RALGPS1: variants seen among roughly 807,000 people sequenced by gnomAD.
RALGPS1 encodes Ral GEF with PH domain and SH3 binding motif 1, also known as ras-specific guanine nucleotide-releasing factor RalGPS1.
Under a neutral mutation model 78.8 loss-of-function variants are expected in RALGPS1, and 19 were observed. The ratio of observed to expected loss-of-function variants is 0.24; its 90% CI spans 0.17 to 0.35. RALGPS1 has a LOEUF of 0.35. Among genes scored for constraint, RALGPS1 ranks in the 10% least tolerant of loss-of-function variants. The pLI, the probability that RALGPS1 is intolerant of heterozygous loss-of-function variation, is 1.00. For missense variants in RALGPS1, 454 were observed against 688.3 expected, an observed-to-expected ratio of 0.66 and a Z score of 3.81; for synonymous variants, 228 against 256.3, an observed-to-expected ratio of 0.89 and a Z score of 1.06.
At chr9:127,098,997 A>T (rs2053452077) in intron 8 of RALGPS1, among the ~76,000 whole-genome samples, 1 of 152,200 alleles carries the variant, frequency 6.6e-6, no homozygotes, top group Admixed American at 6.5e-5. Flanking sequence ...TCTGACCTTG[A>T]GGCTGGGAGC....
At chr9:127,210,858 G>A in intron 14 of RALGPS1, 2 of 1,260,014 alleles carry the variant, frequency 1.6e-6, no homozygotes, top group Middle Eastern at 1.9e-4. Context: ...CTGTGCTAGA[G>A]GCTGCCGAAA....
intron 11 of RALGPS1, among the ~76,000 whole-genome samples, chr9:127,189,939 T>C: frequency 1.3e-5 from 2 of 152,120 alleles, no homozygotes; most frequent in East Asian, 3.9e-4. Context: ...TGGCACAGAG[T>C]AGGTGGCCAC....
chr9:126,984,438 A>T (rs2041610335), intron 4 of RALGPS1, among the ~76,000 whole-genome samples: 1 of 152,184 alleles, frequency 6.6e-6, no homozygotes, highest in South Asian at 2.1e-4. Context: ...ATTTTTCCTC[A>T]TCAGCTAGGG....
chr9:126,953,958 C>T (rs2038108908), intron 1 of RALGPS1, among the ~76,000 whole-genome samples: 1 of 152,136 alleles, frequency 6.6e-6, no homozygotes, highest in Non-Finnish European at 1.5e-5. Context: ...CCACTCATGC[C>T]CCAACATGCT....
intron 7 of RALGPS1, among the ~76,000 whole-genome samples, chr9:127,061,131 A>T (rs1189747310): frequency 6.6e-6 from 1 of 152,152 alleles, no homozygotes; most frequent in Admixed American, 6.5e-5. Context: ...AGTGCTGAGG[A>T]CATAATAGAC....
At position 127,219,739 on chromosome 9, in the gene RALGPS1, C is replaced by T. The variant is rs1456581590; in HGVS notation, c.*970C>T. 6.5e-6 allele frequency: 1 copy of T among 152,730 alleles called. No homozygotes were observed. The highest frequency in any genetic ancestry group is 1.5e-5 in the Non-Finnish European group (1 of 68,100). The allele number at this position is 152,730 out of a possible 1,614,324, so 9.5% of individuals were successfully genotyped here. ...CAGCTGTGCAGGAGCCATGAGGCACCAACCTCTCCCCGCAGGGCAAAGCCT... is the reference window on the plus strand; with the variant it reads ...CAGCTGTGCAGGAGCCATGAGGCACTAACCTCTCCCCGCAGGGCAAAGCCT... On this transcript the variant is annotated 3_prime_UTR_variant, in exon 19 of 19. Transcript: ENST00000259351. The surrounding 1 kb of genome is among the most constrained non-coding windows in gnomAD (Gnocchi z 5.0).
chr9:127,204,704 G>T (rs2061838971), intron 14 of RALGPS1, among the ~76,000 whole-genome samples: 1 of 152,210 alleles, frequency 6.6e-6, no homozygotes, highest in South Asian at 2.1e-4. Flanking sequence ...GGGTGATGCA[G>T]TTTCTGCCCA....
intron 4 of RALGPS1, among the ~76,000 whole-genome samples, chr9:127,028,934 C>T (rs1206500434): frequency 1.3e-5 from 2 of 152,010 alleles, no homozygotes; most frequent in Admixed American, 6.6e-5. Flanking sequence ...CTTGTGCCCC[C>T]AGAGCTCACT....
At chr9:127,098,076 C>G (rs2053332908) in intron 8 of RALGPS1, among the ~76,000 whole-genome samples, 1 of 152,216 alleles carries the variant, frequency 6.6e-6, no homozygotes, top group Non-Finnish European at 1.5e-5. Flanking sequence ...CCAACTAATT[C>G]CTCCTCCACA....
intron 11 of RALGPS1, among the ~76,000 whole-genome samples, chr9:127,185,702 T>C (rs377029421): frequency 6.6e-6 from 1 of 152,330 alleles, no homozygotes; most frequent in African/African-American, 2.4e-5. Flanking sequence ...TTTATTATTA[T>C]TATTCTCATG....
At chr9:127,104,535 G>A (rs1447016845) in intron 8 of RALGPS1, among the ~76,000 whole-genome samples, 1 of 152,216 alleles carries the variant, frequency 6.6e-6, no homozygotes, top group Non-Finnish European at 1.5e-5. Flanking sequence ...CTTTGGGTCT[G>A]GCCAGACCTG....
At chr9:127,148,532 C>T (rs190176881) in intron 8 of RALGPS1, among the ~76,000 whole-genome samples, 26 of 152,330 alleles carry the variant, frequency 1.7e-4, no homozygotes, top group Admixed American at 1.2e-3. Context: ...TGCCAGGCAC[C>T]GTGTTGGTTT....
intron 8 of RALGPS1, among the ~76,000 whole-genome samples, chr9:127,101,151 ATATT>A (rs1432143180): frequency 1.3e-5 from 2 of 152,216 alleles, no homozygotes; most frequent in Admixed American, 6.5e-5. Context: ...AATGCTTTGT[ATATT>A]TATCTCTACT....
rs149846570 is a variant in RALGPS1, at chr9:127,211,601, G to T, written c.1248-530G>T. The stretch of plus-strand genomic sequence containing the variant: ...CCTTGGACGCCTTCATCTGTAGGTG[G>T]TGCTTGAGTCCCCAAGGGAGAGGGT... On this transcript the variant is annotated intron_variant, in intron 14 of 18. Coordinates refer to ENST00000259351, the MANE Select transcript of RALGPS1 (RefSeq NM_014636.3). The surrounding 1 kb of genome is among the most constrained non-coding windows in gnomAD (Gnocchi z 5.0). Among the ~76,000 whole-genome samples the T allele has an allele frequency of 2.0e-5, 3 of 152,210 alleles. No individual in the cohort carries two copies. The highest frequency in any genetic ancestry group is 2.0e-4 in the Admixed American group (3 of 15,298).
intron 11 of RALGPS1, among the ~76,000 whole-genome samples, chr9:127,188,080 T>C (rs1232474951): frequency 8.4e-6 from 1 of 118,700 alleles, no homozygotes; most frequent in South Asian, 2.6e-4. Context: ...TTTTTTTTTT[T>C]AGACGGAGTC....
chr9:126,991,907 A>G (rs1309365121), intron 4 of RALGPS1, among the ~76,000 whole-genome samples: 2 of 152,248 alleles, frequency 1.3e-5, no homozygotes, highest in Non-Finnish European at 2.9e-5. Context: ...CAAGCTGAGA[A>G]GGGCTCTGGG....
At chr9:127,010,768 T>A (rs994932071) in intron 4 of RALGPS1, among the ~76,000 whole-genome samples, 3 of 152,248 alleles carry the variant, frequency 2.0e-5, no homozygotes, top group Admixed American at 6.5e-5. Flanking sequence ...TCCACGTTAG[T>A]GCAGCCTTTA....
chr9:127,158,990 G>A (rs1192099963), intron 8 of RALGPS1, among the ~76,000 whole-genome samples: 1 of 151,956 alleles, frequency 6.6e-6, no homozygotes, highest in Non-Finnish European at 1.5e-5. Flanking sequence ...TCCCCAAAAG[G>A]AAATCAAGGG....
At chr9:127,139,974 G>A (rs1486038535) in intron 8 of RALGPS1, among the ~76,000 whole-genome samples, 1 of 152,226 alleles carries the variant, frequency 6.6e-6, no homozygotes, top group Non-Finnish European at 1.5e-5. Flanking sequence ...CTCATGGCAT[G>A]TGTCCACCCT....
Sources: allele counts gnomAD v4.1 joint callset (sites outside exome capture counted in the v4.1 genomes callset), GRCh38; gene constraint gnomAD v4.1.1; non-coding constraint Gnocchi (gnomAD v3.1); transcripts MANE v1.5; gene names NCBI Gene and HGNC (gene_info 2026-07-23, HGNC 2026-07-21).